AOAH: variants seen among roughly 807,000 people sequenced by gnomAD.
AOAH encodes acyloxyacyl hydrolase, also known as acyloxyacyl hydrolase (neutrophil).
A neutral mutation model predicts 92.2 loss-of-function variants in AOAH; 64 were observed. The observed-to-expected ratio is 0.69, with a 90% CI of 0.57 to 0.86. AOAH has a LOEUF of 0.86. AOAH is among the 40% of genes least tolerant of loss of function. The pLI, the probability that AOAH is intolerant of heterozygous loss-of-function variation, is 0.00. For missense variants in AOAH, 656 were observed against 694.6 expected, an observed-to-expected ratio of 0.94 and a Z score of 0.62; for synonymous variants, 263 against 254.5, an observed-to-expected ratio of 1.03 and a Z score of -0.32.
At chr7:36,700,339 A>T (rs770504836) in intron 1 of AOAH, among the ~76,000 whole-genome samples, 1 of 151,632 alleles carries the variant, frequency 6.6e-6, no homozygotes, top group Non-Finnish European at 1.5e-5. Context: ...CCCTTCCTTC[A>T]CTTCATCAGT....
intron 2 of AOAH, among the ~76,000 whole-genome samples, chr7:36,676,434 T>G (rs1796264380): frequency 6.6e-6 from 1 of 152,158 alleles, no homozygotes. Flanking sequence ...CTCTGAAAAC[T>G]ACATTGTTAA....
intron 1 of AOAH, among the ~76,000 whole-genome samples, chr7:36,715,090 G>T (rs1380423728): frequency 6.6e-6 from 1 of 152,136 alleles, no homozygotes; most frequent in African/African-American, 2.4e-5. Context: ...CATCATCTCT[G>T]CCCAAAATCT....
Position 36,607,575 on chromosome 7 carries a change from C to T in AOAH, c.846+8805G>A, listed in dbSNP as rs78748152. On this transcript the variant is annotated intron_variant, in intron 11 of 20. Coordinates refer to ENST00000617537, the MANE Select transcript of AOAH (RefSeq NM_001637.4). ...TGCCCTGGAAGAAAATCCAGACCAGCCCAATTATGCACATGCTCATTCTCA... is the reference window on the plus strand; with the variant it reads ...TGCCCTGGAAGAAAATCCAGACCAGTCCAATTATGCACATGCTCATTCTCA... Among the ~76,000 whole-genome samples the T allele has an allele frequency of 3.2e-3, 482 of 152,300 alleles. 3 individuals are homozygous for T. Among genetic ancestry groups the T allele is most frequent in the African/African-American group, 0.011 (459 of 41,560 alleles).
At chr7:36,561,040 CTT>C (rs72472573) in intron 13 of AOAH, among the ~76,000 whole-genome samples, 1,774 of 121,752 alleles carry the variant, frequency 0.015, 12 homozygotes, top group African/African-American at 0.017. Context: ...GCACTGGGAA[CTT>C]TTTTTTTTTT....
chr7:36,574,644 C>T (rs1307047311), intron 13 of AOAH, among the ~76,000 whole-genome samples: 2 of 152,192 alleles, frequency 1.3e-5, no homozygotes, highest in Non-Finnish European at 2.9e-5. Context: ...CAGTGTCTTA[C>T]CCTAACCTCA....
In AOAH at chr7:36,599,250, C is replaced by A. The variant is rs138006434; in HGVS notation, c.847-4820G>T. ...TGGATATTTAGTAAATACAATAATT[C>A]GAATTTGGTAATATTTTAAGCCCTA... On this transcript the variant is annotated intron_variant, in intron 11 of 20. Coordinates refer to ENST00000617537, the MANE Select transcript of AOAH (RefSeq NM_001637.4). Among the ~76,000 whole-genome samples, 197 of 152,184 alleles carry A rather than the reference C, an allele frequency of 1.3e-3. 1 individual carries two copies. The highest frequency in any genetic ancestry group is 4.6e-3 in the African/African-American group (193 of 41,524).
intron 12 of AOAH, among the ~76,000 whole-genome samples, chr7:36,590,427 C>G (rs111546430): frequency 0.034 from 5,219 of 152,004 alleles, 264 homozygotes; most frequent in African/African-American, 0.12. Context: ...GTCAAGAAAA[C>G]AGTTTTTGTT....
chr7:36,580,446 T>C (rs1788850952), intron 12 of AOAH, among the ~76,000 whole-genome samples: 1 of 152,212 alleles, frequency 6.6e-6, no homozygotes, highest in South Asian at 2.1e-4. Flanking sequence ...TTTATCCTTT[T>C]TTGAAGCACT....
intron 4 of AOAH, among the ~76,000 whole-genome samples, chr7:36,657,079 T>G (rs1794939972): frequency 6.6e-6 from 1 of 152,158 alleles, no homozygotes; most frequent in Non-Finnish European, 1.5e-5. Context: ...GTATATGCAT[T>G]ATCATAACTC....
At chr7:36,582,541 G>A (rs1435862085) in intron 12 of AOAH, among the ~76,000 whole-genome samples, 1 of 152,120 alleles carries the variant, frequency 6.6e-6, no homozygotes, top group Non-Finnish European at 1.5e-5. Flanking sequence ...TTGGCTCAGG[G>A]AACACAAAAA....
chr7:36,706,287 C>T (rs192109177), intron 1 of AOAH, among the ~76,000 whole-genome samples: 193 of 152,252 alleles, frequency 1.3e-3, no homozygotes, highest in Non-Finnish European at 9.9e-4. Context: ...TCTTCATCAG[C>T]GCTCTTGGAT....
intron 12 of AOAH, among the ~76,000 whole-genome samples, chr7:36,593,962 C>T (rs1473202941): frequency 6.6e-6 from 1 of 152,196 alleles, no homozygotes; most frequent in East Asian, 1.9e-4. Flanking sequence ...GGCATTAAAG[C>T]CAGGATGATT....
intron 13 of AOAH, among the ~76,000 whole-genome samples, chr7:36,566,156 T>C (rs1422642637): frequency 6.6e-6 from 1 of 151,710 alleles, no homozygotes; most frequent in African/African-American, 2.4e-5. Context: ...TTCCTCATGA[T>C]TACATTCAGG....
chr7:36,521,912 A>G, intron 20 of AOAH, 127 bp downstream of exon 20: 6 of 758,402 alleles, frequency 7.9e-6, no homozygotes, highest in Non-Finnish European at 1.1e-5. Flanking sequence ...CTATACATGT[A>G]TGTACACTAC....
At chr7:36,716,116 A>G (rs148201853) in intron 1 of AOAH, among the ~76,000 whole-genome samples, 233 of 152,348 alleles carry the variant, frequency 1.5e-3, no homozygotes, top group Admixed American at 3.1e-3. Context: ...AATGCACTCA[A>G]AACAAATTTA....
In AOAH at chr7:36,611,735, G is replaced by A. The variant is rs117528262; in HGVS notation, c.846+4645C>T. Among the ~76,000 whole-genome samples the A allele has an allele frequency of 5.7e-3, 869 of 152,302 alleles. 3 individuals are homozygous for A. The highest frequency in any genetic ancestry group is 0.011 in the Non-Finnish European group (717 of 68,024). On this transcript the variant is annotated intron_variant, in intron 11 of 20. Coordinates refer to ENST00000617537, the MANE Select transcript of AOAH (RefSeq NM_001637.4). ...AAGGATTTCAGGCAACCTCATTAAC[G>A]ATCACCACTGCACTGCCAGAGCCGT...
intron 16 of AOAH, among the ~76,000 whole-genome samples, chr7:36,537,737 G>T (rs184783397): frequency 1.1e-3 from 164 of 151,744 alleles, no homozygotes; most frequent in African/African-American, 3.7e-3. Flanking sequence ...TGGCCAGGCT[G>T]GCCTTGAACT....
intron 16 of AOAH, among the ~76,000 whole-genome samples, chr7:36,539,678 C>T (rs1170748215): frequency 1.3e-5 from 2 of 152,184 alleles, no homozygotes; most frequent in Non-Finnish European, 2.9e-5. Context: ...AGCTATCTAA[C>T]CTCTCTGAGC....
At chr7:36,555,068 T>C (rs1391736207) in intron 13 of AOAH, among the ~76,000 whole-genome samples, 2 of 146,802 alleles carry the variant, frequency 1.4e-5, no homozygotes, top group African/African-American at 5.1e-5. Context: ...GTGCCAGTTT[T>C]CAAAGGGAAT....
Sources: gnomAD v4.1 joint callset for allele counts (sites outside exome capture counted in the v4.1 genomes callset) on GRCh38, gnomAD v4.1.1 for gene constraint, MANE v1.5 for transcripts, NCBI Gene and HGNC (gene_info 2026-07-23, HGNC 2026-07-21) for gene names.